RHOBTB3: variants seen among roughly 807,000 people sequenced by gnomAD.
RHOBTB3 encodes the protein Rho related BTB domain containing 3.
RHOBTB3 carries 47 observed loss-of-function variants against 67.2 expected under a neutral mutation model. The ratio of observed to expected loss-of-function variants is 0.70; its 90% CI spans 0.55 to 0.89. The LOEUF (loss-of-function observed/expected upper bound fraction) is 0.89. Among genes scored for constraint, RHOBTB3 ranks in the 40% least tolerant of loss-of-function variants. The pLI is 0.00. For missense variants in RHOBTB3, 631 were observed against 750.0 expected, an observed-to-expected ratio of 0.84 and a Z score of 1.85; for synonymous variants, 273 against 274.2, an observed-to-expected ratio of 1.00 and a Z score of 0.04.
chr5:95,759,912 A>G (rs1238761766), intron 6 of RHOBTB3, among the ~76,000 whole-genome samples: 1 of 151,474 alleles, frequency 6.6e-6, no homozygotes, highest in African/African-American at 2.4e-5. Flanking sequence ...AACACGGGCT[A>G]GAGAGTTATA....
chr5:95,748,422 G>A lies in RHOBTB3; in HGVS notation c.505G>A (p.Gly169Arg). 2 of 1,613,664 alleles carry A rather than the reference G, an allele frequency of 1.2e-6. No individual in the cohort carries two copies. The highest frequency in any genetic ancestry group is 1.7e-6 in the Non-Finnish European group (2 of 1,179,670). Residue 169 changes from glycine to arginine, a missense_variant, in exon 4 of 12, where the codon GGA becomes AGA. By Grantham distance (125) the Gly-to-Arg change is moderately radical (BLOSUM62 -2). Coordinates refer to ENST00000379982, the MANE Select transcript of RHOBTB3 (RefSeq NM_014899.4). Reference protein sequence around the residue: ...TEGIQLAKELGATYLELHSLD... With the variant: ...TEGIQLAKELRATYLELHSLD... The stretch of plus-strand genomic sequence containing the variant: ...AGGGATCCAACTTGCAAAAGAACTA[G>A]GAGCGACCTATCTTGAACTCCACAG...
At chr5:95,742,935 C>G (rs567212642) in intron 3 of RHOBTB3, among the ~76,000 whole-genome samples, 1 of 152,158 alleles carries the variant, frequency 6.6e-6, no homozygotes, top group Non-Finnish European at 1.5e-5. Flanking sequence ...GCCAGGCATG[C>G]TGGCGGGCGC....
chr5:95,785,312 C>G (rs1746189571), intron 10 of RHOBTB3, among the ~76,000 whole-genome samples: 1 of 152,172 alleles, frequency 6.6e-6, no homozygotes, highest in African/African-American at 2.4e-5. Context: ...TTGAGTAGGG[C>G]CAGGCGTGGT....
intron 3 of RHOBTB3, among the ~76,000 whole-genome samples, chr5:95,737,719 T>G (rs575343619): frequency 1.3e-5 from 2 of 152,252 alleles, no homozygotes; most frequent in Non-Finnish European, 2.9e-5. Context: ...TTCTAAAAAC[T>G]TTTAAATTGA....
intron 6 of RHOBTB3, among the ~76,000 whole-genome samples, chr5:95,762,416 C>T (rs935591723): frequency 6.6e-6 from 1 of 152,080 alleles, no homozygotes; most frequent in Non-Finnish European, 1.5e-5. Context: ...TGCCTCATTC[C>T]CCAATATCCA....
In RHOBTB3 at chr5:95,793,137, ATATT is replaced by A; in HGVS notation, c.1800_1803del (p.Ile601ThrfsTer8). 6.2e-7 allele frequency: 1 copy of A among 1,612,960 alleles called. No homozygotes were observed. The highest frequency in any genetic ancestry group is 8.5e-7 in the Non-Finnish European group (1 of 1,179,456). ...AAGCAGCTTGCGGAATACAGGAAGT[ATATT>A]CACTCCCGGAAATGTCGTTGCTTAG... On this transcript the variant is annotated frameshift_variant, in exon 12 of 12. Coordinates refer to ENST00000379982, the MANE Select transcript of RHOBTB3 (RefSeq NM_014899.4). LOFTEE classifies it high-confidence loss of function.
Position 95,793,108 on chromosome 5 carries a change from C to T in RHOBTB3, c.1770C>T (p.Tyr590=), listed in dbSNP as rs1746466051. The T allele has an allele frequency of 3.1e-6, 5 of 1,613,540 alleles. No individual in the cohort carries two copies. The South Asian group carries it at 3.3e-5, about 11-fold the overall frequency. The change falls in exon 12 of 12, where the codon TAC becomes TAT. Residue 590 remains tyrosine, a synonymous_variant. Transcript: ENST00000379982. ...VEKHRWPSNM[Y]LKQLAEYRKY... ...AGCACAGATGGCCGTCGAATATGTACTTGAAGCAGCTTGCGGAATACAGGA... is the reference window on the plus strand; with the variant it reads ...AGCACAGATGGCCGTCGAATATGTATTTGAAGCAGCTTGCGGAATACAGGA...
intron 10 of RHOBTB3, among the ~76,000 whole-genome samples, chr5:95,786,971 A>C (rs1158778894): frequency 1.3e-5 from 2 of 152,162 alleles, no homozygotes; most frequent in African/African-American, 4.8e-5. Context: ...CCAAACCCCC[A>C]CATGTGCTAC....
intron 1 of RHOBTB3, among the ~76,000 whole-genome samples, chr5:95,721,086 G>A (rs1214632407): frequency 1.3e-5 from 2 of 152,124 alleles, no homozygotes; most frequent in African/African-American, 4.8e-5. Context: ...AAATCAATAA[G>A]GATACACTAT....
Position 95,731,388 on chromosome 5 carries a change from G to C in RHOBTB3, c.-295G>C. On this transcript the variant is annotated 5_prime_UTR_variant, in exon 1 of 12. Transcript: ENST00000379982. ...GAGGCGCGGCGGAGAGGGGACTGCG[G>C]TCAGCTGCGTCCACTTGGGGCTGTG... 8.5e-7 allele frequency: 1 copy of C among 1,170,714 alleles called. No homozygotes were observed. The highest frequency in any genetic ancestry group is 1.1e-6 in the Non-Finnish European group (1 of 951,956). The allele number at this position is 1,170,714 out of a possible 1,614,324, so 72.5% of individuals were successfully genotyped here. A position where few individuals can be genotyped will look rare whatever the true frequency, so the allele number is the denominator to read the frequency against.
At position 95,755,593 on chromosome 5, in the gene RHOBTB3, C is replaced by T; in HGVS notation, c.880C>T (p.Gln294Ter). The change falls in exon 6 of 12, where the codon CAG (glutamine) becomes TAG (stop). Residue 294 changes from glutamine to a stop codon, truncating the protein, a stop_gained. Coordinates refer to ENST00000379982, the MANE Select transcript of RHOBTB3 (RefSeq NM_014899.4). LOFTEE classifies it high-confidence loss of function. ...CAATGTGAAGAGTCCCACTGACATT[C>T]AGGATTCCAGTATCATCCGAACTAC... ...LFNVKSPTDI[Q>*]DSSIIRTTQD... is the part of the protein sequence containing the mutation. The T allele has an allele frequency of 6.2e-7, 1 of 1,614,138 alleles. No individual in the cohort carries two copies. Among genetic ancestry groups the T allele is most frequent in the Non-Finnish European group, 8.5e-7 (1 of 1,180,016 alleles).
Position 95,768,157 on chromosome 5 carries a change from G to A in RHOBTB3, c.1273G>A (p.Glu425Lys), listed in dbSNP as rs201479791. 36 of 1,611,222 alleles carry A rather than the reference G, an allele frequency of 2.2e-5. No individual in the cohort carries two copies. The highest frequency in any genetic ancestry group is 5.5e-5 in the South Asian group (5 of 90,236). The change falls in exon 8 of 12, where the codon GAA (glutamate) becomes AAA (lysine). Residue 425 changes from glutamate to lysine, a missense_variant. By Grantham distance (56) the Glu-to-Lys change is moderately conservative (BLOSUM62 1). Coordinates refer to ENST00000379982, the MANE Select transcript of RHOBTB3 (RefSeq NM_014899.4). ...NKPMLADVVFEIQGTTVPAHR... is the reference protein window; with the variant it reads ...NKPMLADVVFKIQGTTVPAHR... ...GCCGATGCTTGCCGATGTTGTCTTC[G>A]AAATTCAAGGTACGGATCAACTTTT... is the stretch of plus-strand genomic sequence containing the variant.
At chr5:95,743,616 CCTCCCTCCCTGTCTTT>C (rs1461855062) in intron 3 of RHOBTB3, among the ~76,000 whole-genome samples, 1 of 151,714 alleles carries the variant, frequency 6.6e-6, no homozygotes, top group Non-Finnish European at 1.5e-5. Context: ...GTCCTTCCTG[CCTCCCTCCCTGTCTTT>C]CTCCCTCCCT....
intron 8 of RHOBTB3, chr5:95,770,850 A>G: frequency 5.8e-6 from 1 of 172,722 alleles, no homozygotes; most frequent in South Asian, 1.4e-4. Context: ...CACTACAACC[A>G]TCAGTTACTG....
chr5:95,720,437 T>C (rs1221515357), intron 1 of RHOBTB3, among the ~76,000 whole-genome samples: 1 of 152,244 alleles, frequency 6.6e-6, no homozygotes, highest in Non-Finnish European at 1.5e-5. Flanking sequence ...TATTAGATCA[T>C]AGTGAGTTAA....
At chr5:95,758,594 C>A (rs111676272) in intron 6 of RHOBTB3, among the ~76,000 whole-genome samples, 475 of 152,244 alleles carry the variant, frequency 3.1e-3, no homozygotes, top group Middle Eastern at 0.014. Context: ...TGGAACAGTG[C>A]GGCCAAGACA....
chr5:95,792,280 G>A (rs1433683389), intron 11 of RHOBTB3, among the ~76,000 whole-genome samples: 4 of 151,918 alleles, frequency 2.6e-5, no homozygotes, highest in African/African-American at 7.3e-5. Context: ...CCAGCTACTC[G>A]GGAGGCTGAG....
intron 8 of RHOBTB3, among the ~76,000 whole-genome samples, chr5:95,774,827 C>A (rs1490413350): frequency 6.6e-6 from 1 of 152,138 alleles, no homozygotes; most frequent in African/African-American, 2.4e-5. Flanking sequence ...GAAGTTCAGA[C>A]TGTGAAAATC....
intron 4 of RHOBTB3, chr5:95,751,587 G>A (rs984203924): frequency 6.6e-6 from 1 of 151,794 alleles, no homozygotes; most frequent in Non-Finnish European, 1.5e-5. Flanking sequence ...TGTTATACGG[G>A]TAAATTGCAT....
Sources: allele counts gnomAD v4.1 joint callset (sites outside exome capture counted in the v4.1 genomes callset), GRCh38; gene constraint gnomAD v4.1.1; transcripts MANE v1.5; gene names NCBI Gene and HGNC (gene_info 2026-07-23, HGNC 2026-07-21).